Variants in ADGRB3 observed in about 807,000 individuals in gnomAD.
The protein encoded by ADGRB3 is brain-specific angiogenesis inhibitor 3.
In ADGRB3, 37 loss-of-function variants were observed where a neutral mutation model predicts 193.4. That is an observed-to-expected ratio of 0.19 (90% CI 0.15 to 0.25). ADGRB3 has a LOEUF of 0.25. Among genes scored for constraint, ADGRB3 ranks in the 10% least tolerant of loss-of-function variants. ADGRB3 has a pLI of 1.00. For synonymous variants in ADGRB3, 690 were observed against 644.2 expected, an observed-to-expected ratio of 1.07 and a Z score of -1.08; for missense variants, 1,637 against 1,852.9, an observed-to-expected ratio of 0.88 and a Z score of 2.14.
chr6:69,166,946 G>A (rs1362109237), intron 17 of ADGRB3, among the ~76,000 whole-genome samples: 1 of 152,054 alleles, frequency 6.6e-6, no homozygotes, highest in Non-Finnish European at 1.5e-5. Context: ...TAAGAAAAAT[G>A]TTTGATGATG....
intron 3 of ADGRB3, among the ~76,000 whole-genome samples, chr6:68,777,893 T>C (rs765769719): frequency 5.9e-5 from 9 of 152,014 alleles, no homozygotes; most frequent in Non-Finnish European, 1.3e-4. Context: ...GTTTGAAACA[T>C]GCTGGAAAAT....
chr6:69,209,664 G>A (rs994933790), intron 17 of ADGRB3, among the ~76,000 whole-genome samples: 6 of 152,218 alleles, frequency 3.9e-5, no homozygotes, highest in African/African-American at 9.6e-5. Flanking sequence ...GAGTATTGCT[G>A]GCCTTGCCAG....
chr6:68,733,972 C>T (rs1765825709), intron 3 of ADGRB3, among the ~76,000 whole-genome samples: 1 of 151,578 alleles, frequency 6.6e-6, no homozygotes, highest in Non-Finnish European at 1.5e-5. Context: ...TCATAGACCC[C>T]AGAAATGTAT....
chr6:68,662,175 C>G (rs938770700), intron 3 of ADGRB3, among the ~76,000 whole-genome samples: 2 of 151,498 alleles, frequency 1.3e-5, no homozygotes, highest in Non-Finnish European at 1.5e-5. Flanking sequence ...GATATTATAG[C>G]TCTGTCACTT....
rs1582351815 is a variant in ADGRB3, at chr6:68,961,771, T to C, written c.1525+4962T>C. ...CAAATTGACACCTGCTTTACCTTGT[T>C]CATTTCAAACCAAGTTTAATTAAGC... On this transcript the variant is annotated intron_variant, in intron 8 of 31. Coordinates refer to ENST00000370598, the MANE Select transcript of ADGRB3 (RefSeq NM_001704.3). 2.0e-5 allele frequency among the ~76,000 whole-genome samples: 3 copies of C among 152,340 alleles called. No individual in the cohort carries two copies. In the South Asian group the frequency reaches 6.2e-4, roughly 32 times the overall value.
At chr6:69,067,323 G>A (rs948930225) in intron 16 of ADGRB3, among the ~76,000 whole-genome samples, 3 of 152,092 alleles carry the variant, frequency 2.0e-5, no homozygotes, top group Non-Finnish European at 4.4e-5. Context: ...CATTCTAATA[G>A]CATGAAGCTA....
chr6:69,024,540 T>G (rs923297453), intron 13 of ADGRB3, among the ~76,000 whole-genome samples: 20 of 152,232 alleles, frequency 1.3e-4, no homozygotes, highest in Non-Finnish European at 1.9e-4. Flanking sequence ...TTAGGAATTA[T>G]TTGATGCTGA....
intron 3 of ADGRB3, among the ~76,000 whole-genome samples, chr6:68,745,260 A>G: frequency 6.6e-6 from 1 of 152,342 alleles, no homozygotes; most frequent in Non-Finnish European, 1.5e-5. Flanking sequence ...AATATTTTTC[A>G]GCCTTAAAAA....
At chr6:68,856,365 A>G (rs1764986713) in intron 3 of ADGRB3, among the ~76,000 whole-genome samples, 1 of 152,188 alleles carries the variant, frequency 6.6e-6, no homozygotes. Context: ...AAGAGGTTGG[A>G]AAGTTTGGAA....
chr6:68,750,695 T>C (rs1766181314), intron 3 of ADGRB3, among the ~76,000 whole-genome samples: 1 of 152,164 alleles, frequency 6.6e-6, no homozygotes, highest in Non-Finnish European at 1.5e-5. Context: ...AAACCTACCA[T>C]TGGCCAGTGA....
chr6:68,732,230 T>A (rs563389971), intron 3 of ADGRB3, among the ~76,000 whole-genome samples: 1 of 151,978 alleles, frequency 6.6e-6, no homozygotes, highest in African/African-American at 2.4e-5. Context: ...ATAGATAAAC[T>A]GTGGCATGGG....
At chr6:68,730,587 A>G (rs775137231) in intron 3 of ADGRB3, among the ~76,000 whole-genome samples, 1 of 151,690 alleles carries the variant, frequency 6.6e-6, no homozygotes, top group Admixed American at 6.6e-5. Flanking sequence ...TGTGAATTAT[A>G]GAGTATTTTT....
intron 16 of ADGRB3, among the ~76,000 whole-genome samples, chr6:69,072,969 G>A (rs1463563233): frequency 6.6e-6 from 1 of 152,100 alleles, no homozygotes; most frequent in Non-Finnish European, 1.5e-5. Context: ...TGGAACATCT[G>A]GATCTATGCC....
intron 20 of ADGRB3, among the ~76,000 whole-genome samples, chr6:69,269,856 T>C (rs577209735): frequency 1.3e-5 from 2 of 152,322 alleles, no homozygotes; most frequent in East Asian, 3.8e-4. Flanking sequence ...TTGTAAAAGC[T>C]ACCTTATACT....
chr6:69,100,840 AGGAGGGAG>A (rs1238983210), intron 17 of ADGRB3, among the ~76,000 whole-genome samples: 1 of 120,322 alleles, frequency 8.3e-6, no homozygotes, highest in Admixed American at 8.7e-5. Context: ...GAAGGAAGGA[AGGAGGGAG>A]GGAGGGAAGG....
At chr6:68,763,605 G>A (rs983941640) in intron 3 of ADGRB3, among the ~76,000 whole-genome samples, 1 of 152,148 alleles carries the variant, frequency 6.6e-6, no homozygotes, top group Non-Finnish European at 1.5e-5. Context: ...ATGTTAACTA[G>A]ATGTTATCAG....
chr6:69,007,115 C>T (rs1040692923), intron 11 of ADGRB3, among the ~76,000 whole-genome samples: 5 of 152,146 alleles, frequency 3.3e-5, no homozygotes, highest in African/African-American at 4.8e-5. Flanking sequence ...TATGTGGTAG[C>T]ATGGCTAACT....
Position 68,975,237 on chromosome 6 carries a change from C to A in ADGRB3, c.1631C>A (p.Thr544Asn), listed in dbSNP as rs1768709389. ...CTCTGTTCTTTGTGACACACAGGCA[C>A]CACTAGCAGACGCTGCTCTCTCAGT... ...FNQCPLNATG[T>N]TSRRCSLSLH... Residue 544 changes from threonine (T) to asparagine (N), a missense_variant, in exon 10 of 32, where the codon ACC becomes AAC. By Grantham distance (65) the Thr-to-Asn change is moderately conservative (BLOSUM62 0). This residue lies in a region of ADGRB3 where 641 missense variants were observed against 673.9 expected (regional missense o/e 0.95). Coordinates refer to ENST00000370598, the MANE Select transcript of ADGRB3 (RefSeq NM_001704.3). The A allele has an allele frequency of 1.2e-6, 2 of 1,613,622 alleles. No individual in the cohort carries two copies. The highest frequency in any genetic ancestry group is 1.7e-6 in the Non-Finnish European group (2 of 1,179,634).
intron 3 of ADGRB3, among the ~76,000 whole-genome samples, chr6:68,712,710 G>C (rs925566376): frequency 1.3e-5 from 2 of 151,876 alleles, no homozygotes; most frequent in African/African-American, 4.8e-5. Context: ...CAGTTGAATG[G>C]ATTTTGCTTT....
Sources: allele counts gnomAD v4.1 joint callset (sites outside exome capture counted in the v4.1 genomes callset), GRCh38; gene constraint gnomAD v4.1.1; regional missense constraint gnomAD v4.1.1; transcripts MANE v1.5; gene names NCBI Gene and HGNC (gene_info 2026-07-23, HGNC 2026-07-21).